Variants in CD300LD observed in about 807,000 individuals in gnomAD.
CD300LD encodes CD300 molecule like family member d.
A neutral mutation model predicts 20.3 loss-of-function variants in CD300LD; 18 were observed. That is an observed-to-expected ratio of 0.89 (90% CI 0.61 to 1.32). The LOEUF is 1.32. Among genes scored for constraint, CD300LD ranks in the 40% most tolerant of loss-of-function variants. CD300LD has a pLI of 0.00. For missense variants in CD300LD, 195 were observed against 226.6 expected (o/e 0.86, Z 0.90); for synonymous variants, 104 against 90.1 (o/e 1.15, Z -0.87).
At chr17:74,584,498 T>A (rs2030111468) in intron 2 of CD300LD, among the ~76,000 whole-genome samples, 1 of 151,970 alleles carries the variant, frequency 6.6e-6, no homozygotes, top group Non-Finnish European at 1.5e-5. Context: ...CCCGAAGGGG[T>A]GCTGAGGGCA....
chr17:74,584,172 T>C (rs2030102405), intron 2 of CD300LD, among the ~76,000 whole-genome samples: 1 of 152,258 alleles, frequency 6.6e-6, no homozygotes, highest in Non-Finnish European at 1.5e-5. Flanking sequence ...TAAAACTTTC[T>C]ATTATTTTGA....
At position 74,584,704 on chromosome 17, in the gene CD300LD, G is replaced by A. The variant is rs563018678; in HGVS notation, c.380-2393C>T. 2.6e-5 allele frequency: 4 copies of A among 152,606 alleles called. No homozygotes were observed. The South Asian group carries it at 8.3e-4, about 32-fold the overall frequency. 9.5% of individuals were successfully genotyped at this position (152,606 alleles called of 1,614,324 possible). A position where few individuals can be genotyped will look rare whatever the true frequency, so the allele number is the denominator to read the frequency against. On this transcript the variant is annotated intron_variant, in intron 2 of 3. Transcript: ENST00000375352. ...GGCCCTTGTTCACTAGAAGCAAGGA[G>A]CTCCCTGACCCCTTCTTTCAAAACA...
intron 2 of CD300LD, among the ~76,000 whole-genome samples, chr17:74,586,967 T>A (rs962610424): frequency 6.6e-6 from 1 of 152,102 alleles, no homozygotes; most frequent in South Asian, 2.1e-4. Flanking sequence ...CTGACCAACA[T>A]GGAGAAACCC....
chr17:74,581,098 G>A (rs933949149), intron 3 of CD300LD, among the ~76,000 whole-genome samples: 1 of 151,596 alleles, frequency 6.6e-6, no homozygotes, highest in Non-Finnish European at 1.5e-5. Flanking sequence ...CTACACCTCT[G>A]GAGTCCTTTG....
intron 2 of CD300LD, among the ~76,000 whole-genome samples, chr17:74,583,436 G>T (rs555026990): frequency 2.8e-4 from 42 of 152,330 alleles, no homozygotes; most frequent in Non-Finnish European, 4.4e-4. Context: ...AGGGAGGGAG[G>T]CCTCAGGCTC....
At chr17:74,580,890 G>GC (rs1302311991) in intron 3 of CD300LD, among the ~76,000 whole-genome samples, 2 of 138,928 alleles carry the variant, frequency 1.4e-5, no homozygotes, top group Admixed American at 7.0e-5. Flanking sequence ...ACATATTGAG[G>GC]CCCCATCTCT....
At chr17:74,582,360 G>A in intron 2 of CD300LD, 49 bp from the exon 3 acceptor site, 1 of 1,518,846 alleles carries the variant, frequency 6.6e-7, no homozygotes, top group Non-Finnish European at 9.1e-7. Context: ...GGATGGCCCA[G>A]CTCTGGCTGT....
Position 74,580,033 on chromosome 17 carries a change from AGGACGGT to A in CD300LD, c.547_553del (p.Thr183SerfsTer3). The A allele has an allele frequency of 6.2e-7, 1 of 1,613,174 alleles. No homozygotes were observed. Among genetic ancestry groups the A allele is most frequent in the Non-Finnish European group, 8.5e-7 (1 of 1,179,572 alleles). ...CCTTCTTTGTGGTCTGTTTACCCAG[AGGACGGT>A]CCCCAGCATGCTCAGGAGCAGAGGC... is the stretch of plus-strand genomic sequence containing the variant. On this transcript the variant is annotated frameshift_variant, in exon 4 of 4. Transcript: ENST00000375352. LOFTEE classifies it low-confidence loss of function (END_TRUNC).
intron 2 of CD300LD, among the ~76,000 whole-genome samples, chr17:74,584,020 G>T (rs1353223482): frequency 2.0e-5 from 3 of 147,342 alleles, no homozygotes; most frequent in African/African-American, 7.7e-5. Context: ...TTAACAAAGT[G>T]CTGGGATTAC....
At chr17:74,585,565 G>A (rs950739076) in intron 2 of CD300LD, among the ~76,000 whole-genome samples, 20 of 152,224 alleles carry the variant, frequency 1.3e-4, no homozygotes, top group Admixed American at 3.9e-4. Context: ...AGGACCTTGC[G>A]CTTTTCCTAT....
rs1181816941 is a variant in CD300LD, at chr17:74,581,606, C to T, written c.473+612G>A. Among the ~76,000 whole-genome samples, 40 of 152,244 alleles carry T rather than the reference C, an allele frequency of 2.6e-4. 1 individual carries two copies. Among genetic ancestry groups the T allele is most frequent in the Admixed American group, 2.6e-3 (40 of 15,286 alleles). On this transcript the variant is annotated intron_variant, in intron 3 of 3. Transcript: ENST00000375352. ...CTCTAGCATTTTCCATTCCCCTACT[C>T]TGGTGTCTTGGGAGAGAGAGGCTGG...
At chr17:74,586,629 G>A (rs1324320445) in intron 2 of CD300LD, among the ~76,000 whole-genome samples, 1 of 152,130 alleles carries the variant, frequency 6.6e-6, no homozygotes, top group East Asian at 1.9e-4. Context: ...CCTCTCCCCA[G>A]GAACACCTGG....
intron 3 of CD300LD, 68 bp from the exon 4 acceptor site, chr17:74,580,181 A>G (rs950204052): frequency 9.7e-7 from 1 of 1,032,952 alleles, no homozygotes; most frequent in Non-Finnish European, 1.5e-6. Context: ...TCTCAGCTCT[A>G]TGCCCAGATC....
chr17:74,580,718 C>T (rs1398086202), intron 3 of CD300LD, among the ~76,000 whole-genome samples: 3 of 152,052 alleles, frequency 2.0e-5, no homozygotes, highest in Admixed American at 2.0e-4. Flanking sequence ...CTTGGGCCTT[C>T]GTTGTTTCTT....
At chr17:74,578,699 A>C (rs1256398273), downstream of CD300LD, among the ~76,000 whole-genome samples, 6 of 152,298 alleles carry the variant, frequency 3.9e-5, no homozygotes, top group Admixed American at 2.6e-4. Context: ...TGGGGAGTGA[A>C]TAAGGGTCTC....
In CD300LD at chr17:74,580,037, C is replaced by T. The variant is rs377381763; in HGVS notation, c.550G>A (p.Val184Ile). The change falls in exon 4 of 4, where the codon GTC (valine) becomes ATC (isoleucine). Residue 184 changes from valine (V) to isoleucine (I), a missense_variant. Transcript: ENST00000375352. ...CTTTGTGGTCTGTTTACCCAGAGGA[C>T]GGTCCCCAGCATGCTCAGGAGCAGA... ...LPLLLSMLGTVLWVNRPQRRS is the reference protein window; with the variant it reads ...LPLLLSMLGTILWVNRPQRRS 8.6e-5 allele frequency: 139 copies of T among 1,612,984 alleles called. No homozygotes were observed. The highest frequency in any genetic ancestry group is 1.1e-4 in the Non-Finnish European group (128 of 1,179,432).
At chr17:74,587,887 C>T (rs2030203705) in intron 2 of CD300LD, among the ~76,000 whole-genome samples, 3 of 146,430 alleles carry the variant, frequency 2.0e-5, no homozygotes, top group Admixed American at 2.0e-4. Flanking sequence ...TTAATCCCAT[C>T]CTGGAGGGAG....
chr17:74,590,431 A>G (rs1266462414), intron 1 of CD300LD: 9 of 151,888 alleles, frequency 5.9e-5, no homozygotes, highest in Admixed American at 4.6e-4. Flanking sequence ...CTATGTTACT[A>G]TATTATGTTT....
At chr17:74,592,044 T>C (rs749425211) in intron 1 of CD300LD, 119 bp downstream of exon 1, 3 of 1,605,238 alleles carry the variant, frequency 1.9e-6, no homozygotes, top group Non-Finnish European at 2.6e-6. Flanking sequence ...AATATGGGCA[T>C]GGATGGATGA....
Sources: gnomAD v4.1 joint callset for allele counts (sites outside exome capture counted in the v4.1 genomes callset) on GRCh38, gnomAD v4.1.1 for gene constraint, MANE v1.5 for transcripts, NCBI Gene and HGNC (gene_info 2026-07-23, HGNC 2026-07-21) for gene names.